Variants in LAPTM4B observed in about 807,000 individuals in gnomAD.
The protein encoded by LAPTM4B is lysosomal-associated transmembrane protein 4B.
Under a neutral mutation model 28.5 loss-of-function variants are expected in LAPTM4B, and 26 were observed. That is an observed-to-expected ratio of 0.91 (90% CI 0.67 to 1.27). The LOEUF is 1.27. Ranked by LOEUF, LAPTM4B falls within the 50% of genes most tolerant of loss-of-function variation. LAPTM4B has a pLI of 0.00. For synonymous variants in LAPTM4B, 109 were observed against 106.4 expected (o/e 1.02, Z -0.15); for missense variants, 288 against 285.8 (o/e 1.01, Z -0.06).
chr8:97,815,994 A>C, intron 3 of LAPTM4B, 64 bp from the exon 4 acceptor site: 3 of 1,264,792 alleles, frequency 2.4e-6, no homozygotes, highest in South Asian at 1.7e-5. Flanking sequence ...AATACTTTGA[A>C]TTTAAGAAAA....
chr8:97,842,256 C>T (rs1014876634), intron 6 of LAPTM4B, among the ~76,000 whole-genome samples: 1 of 151,980 alleles, frequency 6.6e-6, no homozygotes, highest in African/African-American at 2.4e-5. Flanking sequence ...TTCCTTCAAC[C>T]ATGAAATGAC....
At chr8:97,851,365 C>G (rs778935785) in intron 6 of LAPTM4B, 32 bp from the exon 7 acceptor site, 12 of 1,536,092 alleles carry the variant, frequency 7.8e-6, no homozygotes, top group South Asian at 6.7e-5. Context: ...GCTCTTCAAA[C>G]ATTAACTCTT....
At chr8:97,797,777 A>G (rs938442454) in intron 1 of LAPTM4B, among the ~76,000 whole-genome samples, 1 of 152,150 alleles carries the variant, frequency 6.6e-6, no homozygotes, top group Non-Finnish European at 1.5e-5. Context: ...CTTATTTGGG[A>G]TCTGATAGAT....
At chr8:97,816,302 C>G in intron 4 of LAPTM4B, 122 bp downstream of exon 4, 2 of 940,068 alleles carry the variant, frequency 2.1e-6, no homozygotes, top group Non-Finnish European at 3.1e-6. Flanking sequence ...AGCTGAGTTA[C>G]TCATAGGAAA....
intron 2 of LAPTM4B, among the ~76,000 whole-genome samples, chr8:97,809,795 G>GTCCTCCAGC (rs1172683775): frequency 6.6e-6 from 1 of 152,146 alleles, no homozygotes; most frequent in Non-Finnish European, 1.5e-5. Context: ...GCCAGACAGA[G>GTCCTCCAGC]CAGAACTCTT....
chr8:97,835,643 T>G (rs1414630598), intron 6 of LAPTM4B, among the ~76,000 whole-genome samples: 1 of 152,172 alleles, frequency 6.6e-6, no homozygotes, highest in Non-Finnish European at 1.5e-5. Context: ...CCTTGAAAAT[T>G]TAAAATATAA....
chr8:97,851,409 C>T lies in LAPTM4B; in HGVS notation c.616C>T (p.Pro206Ser), dbSNP rs1220863519. The change falls in exon 7 of 7, where the codon CCG becomes TCG. Residue 206 changes from proline to serine, a missense_variant. Pro to Ser is a moderately conservative substitution (Grantham distance 74). Coordinates refer to ENST00000521545, the MANE Select transcript of LAPTM4B (RefSeq NM_018407.6). ...TCTTTCTTCTCAGGTGCTGCTACCC[C>T]CGTATGATGATGCCACTGTGAATGG... is the stretch of plus-strand genomic sequence containing the variant. ...TSNDTTVLLP[P>S]YDDATVNGAA... 5.6e-6 allele frequency: 9 copies of T among 1,613,938 alleles called. No homozygotes were observed. The highest frequency in any genetic ancestry group is 1.7e-5 in the Admixed American group (1 of 60,002).
intron 1 of LAPTM4B, among the ~76,000 whole-genome samples, chr8:97,799,819 A>C (rs2129758110): frequency 6.6e-6 from 1 of 151,972 alleles, no homozygotes; most frequent in East Asian, 1.9e-4. Context: ...CTATCCTCTA[A>C]CATTTCCTTT....
chr8:97,825,259 A>G, intron 6 of LAPTM4B, 106 bp downstream of exon 6: 1 of 566,290 alleles, frequency 1.8e-6, no homozygotes, highest in Non-Finnish European at 3.2e-6. Flanking sequence ...ACTGAAACAT[A>G]CTCATGAGCT....
intron 6 of LAPTM4B, among the ~76,000 whole-genome samples, chr8:97,830,660 C>T (rs1817170922): frequency 6.6e-6 from 1 of 152,070 alleles, no homozygotes; most frequent in Non-Finnish European, 1.5e-5. Context: ...CAGATGGGCA[C>T]AGTTTTATCC....
intron 1 of LAPTM4B, among the ~76,000 whole-genome samples, chr8:97,791,412 A>G (rs1816496492): frequency 1.3e-5 from 2 of 152,170 alleles, no homozygotes; most frequent in African/African-American, 2.4e-5. Context: ...CCTTCTGTCC[A>G]TTGTCTAGAC....
Position 97,816,065 on chromosome 8 carries a change from C to T in LAPTM4B, c.293C>T (p.Ala98Val), listed in dbSNP as rs1409639526. 2 of 1,610,700 alleles carry T rather than the reference C, an allele frequency of 1.2e-6. No individual in the cohort carries two copies. Among genetic ancestry groups the T allele is most frequent in the South Asian group, 2.2e-5 (2 of 90,128 alleles). ...ATTTTCTGTTCTGTTTAGCAACGCG[C>T]AGCCTGGATCATCCCATTCTTCTGT... ...MATYGAYKQR[A>V]AWIIPFFCYQ... Residue 98 changes from alanine to valine, a missense_variant, in exon 4 of 7, where the codon GCA becomes GTA. Physicochemically the swap from Ala to Val is moderately conservative, Grantham distance 64. Transcript: ENST00000521545.
chr8:97,834,144 G>GGAAAAAA (rs1554593011), intron 6 of LAPTM4B, among the ~76,000 whole-genome samples: 1 of 75,344 alleles, frequency 1.3e-5, no homozygotes, highest in Non-Finnish European at 3.0e-5. Flanking sequence ...TGTCTCTACA[G>GGAAAAAA]AAAAAAAAAA....
At chr8:97,808,956 A>G (rs1387875875) in intron 2 of LAPTM4B, among the ~76,000 whole-genome samples, 4 of 151,854 alleles carry the variant, frequency 2.6e-5, no homozygotes, top group Admixed American at 2.6e-4. Context: ...GCAAGACTGC[A>G]TCTCAGAAAG....
chr8:97,800,883 A>C (rs1296090834), intron 1 of LAPTM4B, among the ~76,000 whole-genome samples: 1 of 152,056 alleles, frequency 6.6e-6, no homozygotes, highest in East Asian at 1.9e-4. Flanking sequence ...AGGCCGGGGC[A>C]GGAGGATCAC....
Position 97,816,031 on chromosome 8 carries a change from T to C in LAPTM4B, c.286-27T>C, listed in dbSNP as rs1287266812. 2.6e-6 allele frequency: 4 copies of C among 1,515,864 alleles called. No homozygotes were observed. The African/African-American group carries it at 5.5e-5, about 21-fold the overall frequency. The allele number at this position is 1,515,864 out of a possible 1,614,324, so 93.9% of individuals were successfully genotyped here. A position where few individuals can be genotyped will look rare whatever the true frequency, so the allele number is the denominator to read the frequency against. ...TATTGTTTTATAATATTGAACACATTAACTTTCTATTTTCTGTTCTGTTTA... is the reference window on the plus strand; with the variant it reads ...TATTGTTTTATAATATTGAACACATCAACTTTCTATTTTCTGTTCTGTTTA... On this transcript the variant is annotated intron_variant, in intron 3 of 6. Coordinates refer to ENST00000521545, the MANE Select transcript of LAPTM4B (RefSeq NM_018407.6).
intron 6 of LAPTM4B, among the ~76,000 whole-genome samples, chr8:97,828,811 C>T (rs1817133123): frequency 6.6e-6 from 1 of 152,152 alleles, no homozygotes; most frequent in Non-Finnish European, 1.5e-5. Context: ...GTTGCAAGGC[C>T]TGCTACTCCT....
At chr8:97,799,641 C>G (rs1217844344) in intron 1 of LAPTM4B, among the ~76,000 whole-genome samples, 1 of 152,130 alleles carries the variant, frequency 6.6e-6, no homozygotes, top group Non-Finnish European at 1.5e-5. Flanking sequence ...TGGATTCCTG[C>G]CTCTAATTTA....
chr8:97,783,211 G>A (rs957356732), intron 1 of LAPTM4B, among the ~76,000 whole-genome samples: 1 of 150,872 alleles, frequency 6.6e-6, no homozygotes, highest in African/African-American at 2.4e-5. Flanking sequence ...AAGGATAAAA[G>A]AGGTCAGAGT....
Sources: allele counts gnomAD v4.1 joint callset (sites outside exome capture counted in the v4.1 genomes callset), GRCh38; gene constraint gnomAD v4.1.1; transcripts MANE v1.5; gene names NCBI Gene and HGNC (gene_info 2026-07-23, HGNC 2026-07-21).